FAM186A: variants seen among roughly 807,000 people sequenced by gnomAD.
FAM186A encodes the protein family with sequence similarity 186 member A.
FAM186A carries 163 observed loss-of-function variants against 216.8 expected under a neutral mutation model. The observed-to-expected ratio is 0.75, with a 90% CI of 0.66 to 0.86. The LOEUF (loss-of-function observed/expected upper bound fraction) is 0.86. Among genes scored for constraint, FAM186A ranks in the 40% least tolerant of loss-of-function variants. The pLI, the probability that FAM186A is intolerant of heterozygous loss-of-function variation, is 0.00. For missense variants in FAM186A, 2,184 were observed against 2,746.2 expected, an observed-to-expected ratio of 0.80 and a Z score of 4.58; for synonymous variants, 805 against 1,025.3, an observed-to-expected ratio of 0.79 and a Z score of 4.10.
intron 1 of FAM186A, among the ~76,000 whole-genome samples, chr12:50,367,689 G>GCA (rs35526902): frequency 1.3e-5 from 2 of 151,298 alleles, no homozygotes; most frequent in African/African-American, 2.4e-5. Flanking sequence ...GCATGTGCGT[G>GCA]CACACACACA....
rs1942876424 is a variant in FAM186A at position 50,351,306 on chromosome 12, A to G, written c.5526T>C (p.Val1842=). 6.5e-7 allele frequency: 1 copy of G among 1,530,312 alleles called. No individual in the cohort carries two copies. Among genetic ancestry groups the G allele is most frequent in the Non-Finnish European group, 8.8e-7 (1 of 1,138,428 alleles). 94.8% of individuals were successfully genotyped at this position (1,530,312 alleles called of 1,614,324 possible). A position where few individuals can be genotyped will look rare whatever the true frequency, so the allele number is the denominator to read the frequency against. ...TTGGAATCTGTCCAGAAGTGGGTGG[A>G]ACTCCAGCTATAAAGGGCTGCCCTG... is the stretch of plus-strand genomic sequence containing the variant. ...PTPGQPFIAG[V]PPTSGQIPSL... The change falls in exon 4 of 8, where the codon GTT becomes GTC. Residue 1842 remains valine (V), a synonymous_variant. Transcript: ENST00000327337.
chr12:50,350,922 ATGGATCAATAC>A lies in FAM186A; in HGVS notation c.5899_5909del (p.Val1967SerfsTer2). Reference sequence around the variant, plus strand: ...CTACCTTGAAATCTGGAGCACTAGGATGGATCAATACTGATTTAGATTTCAGAGAAGAAATA... The same window carrying A: ...CTACCTTGAAATCTGGAGCACTAGGATGATTTAGATTTCAGAGAAGAAATA... On this transcript the variant is annotated frameshift_variant, in exon 4 of 8. Transcript: ENST00000327337. LOFTEE classifies it high-confidence loss of function. 6.4e-7 allele frequency: 1 copy of A among 1,551,572 alleles called. No individual in the cohort carries two copies. The highest frequency in any genetic ancestry group is 8.7e-7 in the Non-Finnish European group (1 of 1,146,944).
intron 1 of FAM186A, among the ~76,000 whole-genome samples, chr12:50,373,920 G>A (rs1943172668): frequency 6.6e-6 from 1 of 151,720 alleles, no homozygotes; most frequent in South Asian, 2.1e-4. Flanking sequence ...AACAATGATA[G>A]ACTGGATTAA....
At position 50,351,419 on chromosome 12, in the gene FAM186A, C is replaced by T. The variant is rs1942879207; in HGVS notation, c.5413G>A (p.Gly1805Arg). The T allele has an allele frequency of 5.5e-6, 8 of 1,466,488 alleles. No individual in the cohort carries two copies. The highest frequency in any genetic ancestry group is 2.8e-5 in the Admixed American group (1 of 35,948). 90.8% of individuals were successfully genotyped at this position (1,466,488 alleles called of 1,614,324 possible). The change falls in exon 4 of 8, where the codon GGA becomes AGA. Residue 1805 changes from glycine (G) to arginine (R), a missense_variant. By Grantham distance (125) the Gly-to-Arg change is moderately radical. Transcript: ENST00000327337. ...AACTGCGCAGAAGTGGATTGACCTCCGTATACCAGGGTCTGTCCAGAGGAA... is the reference window on the plus strand; with the variant it reads ...AACTGCGCAGAAGTGGATTGACCTCTGTATACCAGGGTCTGTCCAGAGGAA... ...LRSSGQTLVY[G>R]GQSTSAQFPA...
intron 4 of FAM186A, among the ~76,000 whole-genome samples, 173 bp from the exon 5 acceptor site, chr12:50,334,276 A>G (rs1942686282): frequency 6.6e-6 from 1 of 151,606 alleles, no homozygotes; most frequent in South Asian, 2.1e-4. Context: ...GATTCAAGAA[A>G]TTATCCTGCC....
intron 1 of FAM186A, chr12:50,392,651 T>C (rs1943370542): frequency 6.7e-6 from 1 of 148,962 alleles, no homozygotes; most frequent in Non-Finnish European, 1.5e-5. Context: ...CAGGCTGGAG[T>C]GCAATGGCGC....
At chr12:50,335,305 G>A (rs1213089954) in intron 4 of FAM186A, among the ~76,000 whole-genome samples, 3 of 151,966 alleles carry the variant, frequency 2.0e-5, no homozygotes, top group Non-Finnish European at 2.9e-5. Flanking sequence ...TTACCTTAGG[G>A]GATAAGATAG....
chr12:50,341,041 C>T (rs570314388), intron 4 of FAM186A, among the ~76,000 whole-genome samples: 1 of 152,266 alleles, frequency 6.6e-6, no homozygotes, highest in Admixed American at 6.5e-5. Context: ...AGGTGATCTG[C>T]CTGCCTTGGC....
intron 4 of FAM186A, among the ~76,000 whole-genome samples, chr12:50,344,864 C>T (rs1942797478): frequency 6.6e-6 from 1 of 152,126 alleles, no homozygotes; most frequent in Non-Finnish European, 1.5e-5. Context: ...GTCCCAGCTA[C>T]TCGGAGGCTG....
chr12:50,337,663 T>C (rs1383846127), intron 4 of FAM186A, among the ~76,000 whole-genome samples: 1 of 151,558 alleles, frequency 6.6e-6, no homozygotes, highest in African/African-American at 2.4e-5. Flanking sequence ...TTTGGGAGGC[T>C]GAGGCGGGCG....
intron 7 of FAM186A, among the ~76,000 whole-genome samples, chr12:50,329,710 G>T (rs1246933871): frequency 2.0e-5 from 3 of 151,496 alleles, no homozygotes; most frequent in Admixed American, 6.6e-5. Flanking sequence ...CAATTCTCCT[G>T]TCTCAGCCTC....
At position 50,352,907 on chromosome 12, in the gene FAM186A, G is replaced by A. The variant is rs1307327714; in HGVS notation, c.3925C>T (p.Gln1309Ter). 6.5e-7 allele frequency: 1 copy of A among 1,536,080 alleles called. No individual in the cohort carries two copies. The highest frequency in any genetic ancestry group is 8.8e-7 in the Non-Finnish European group (1 of 1,138,414). ...GGGGTGAAAGGGATCCCCAGAGCCTGTGCCTGCTTAGGGGTGAGAGGGATC... is the reference window on the plus strand; with the variant it reads ...GGGGTGAAAGGGATCCCCAGAGCCTATGCCTGCTTAGGGGTGAGAGGGATC... ...LGIPLTPKQA[Q>*]ALGIPFTPQQ... The change falls in exon 4 of 8, where the codon CAG becomes TAG. Residue 1309 changes from glutamine to a stop codon, truncating the protein, a stop_gained. Coordinates refer to ENST00000327337, the MANE Select transcript of FAM186A (RefSeq NM_001145475.3). LOFTEE classifies it high-confidence loss of function.
intron 1 of FAM186A, among the ~76,000 whole-genome samples, chr12:50,394,779 TCACCAGACTGGAA>T (rs1943397802): frequency 7.8e-6 from 1 of 128,644 alleles, no homozygotes; most frequent in African/African-American, 2.9e-5. Context: ...AGTCCCTCTG[TCACCAGACTGGAA>T]TGTAGTGGCA....
At chr12:50,360,672 G>C in intron 3 of FAM186A, 84 bp downstream of exon 3, 5 of 1,179,882 alleles carry the variant, frequency 4.2e-6, no homozygotes, top group Non-Finnish European at 5.6e-6. Context: ...GTGATAGAGC[G>C]AGACTGAAAA....
intron 1 of FAM186A, among the ~76,000 whole-genome samples, chr12:50,373,029 A>AAG (rs1185101258): frequency 6.7e-6 from 1 of 148,590 alleles, no homozygotes. Context: ...GAAAGAAAGA[A>AAG]AGAAAGAAAG....
chr12:50,345,687 A>G (rs1942804965), intron 4 of FAM186A, among the ~76,000 whole-genome samples: 2 of 152,016 alleles, frequency 1.3e-5, no homozygotes, highest in South Asian at 4.1e-4. Flanking sequence ...TGGGTTCTCT[A>G]TTCTGTTCCA....
At position 50,370,171 on chromosome 12, in the gene FAM186A, G is replaced by A. The variant is rs148537886; in HGVS notation, c.193-6807C>T. Among the ~76,000 whole-genome samples, 780 of 147,276 alleles carry A rather than the reference G, an allele frequency of 5.3e-3. 6 individuals carry two copies. Among genetic ancestry groups the A allele is most frequent in the African/African-American group, 0.019 (760 of 39,442 alleles). The stretch of plus-strand genomic sequence containing the variant: ...AAGCAAAACTTAGCCAGGCATGGTG[G>A]CACACTCCTGTAATCCCAGCTACTT... On this transcript the variant is annotated intron_variant, in intron 1 of 7. Transcript: ENST00000327337.
At chr12:50,385,686 G>A (rs1943296365) in intron 1 of FAM186A, among the ~76,000 whole-genome samples, 1 of 150,616 alleles carries the variant, frequency 6.6e-6, no homozygotes, top group East Asian at 2.0e-4. Context: ...GGATCACGAG[G>A]TCTCAGGAGA....
intron 4 of FAM186A, among the ~76,000 whole-genome samples, chr12:50,346,220 G>GAGAGAAGGAAAAGAAAGAAAGAAA (rs1555215373): frequency 2.1e-5 from 1 of 46,744 alleles, no homozygotes; most frequent in Non-Finnish European, 3.8e-5. Flanking sequence ...AGAGAGAGAA[G>GAGAGAAGGAAAAGAAAGAAAGAAA]GAAAGAAAGA....
Sources: allele counts gnomAD v4.1 joint callset (sites outside exome capture counted in the v4.1 genomes callset), GRCh38; gene constraint gnomAD v4.1.1; transcripts MANE v1.5; gene names NCBI Gene and HGNC (gene_info 2026-07-23, HGNC 2026-07-21).